ASTN2: variants seen among roughly 807,000 people sequenced by gnomAD.
ASTN2 encodes the protein astrotactin-2.
Under a neutral mutation model 139.8 loss-of-function variants are expected in ASTN2, and 54 were observed. That is an observed-to-expected ratio of 0.39 (90% CI 0.31 to 0.48). ASTN2 has a LOEUF of 0.48. Among genes scored for constraint, ASTN2 ranks in the 20% least tolerant of loss-of-function variants. ASTN2 has a pLI of 0.95. For synonymous variants in ASTN2, 756 were observed against 719.5 expected (o/e 1.05, Z -0.81); for missense variants, 1,565 against 1,725.1 (o/e 0.91, Z 1.64).
intron 1 of ASTN2, among the ~76,000 whole-genome samples, chr9:117,312,818 G>T (rs966009857): frequency 6.6e-6 from 1 of 152,050 alleles, no homozygotes; most frequent in African/African-American, 2.4e-5. Flanking sequence ...GATGTCTAAG[G>T]CTCCATAAGG....
chr9:117,101,541 C>T (rs967756089), intron 4 of ASTN2, among the ~76,000 whole-genome samples: 4 of 152,070 alleles, frequency 2.6e-5, no homozygotes, highest in Non-Finnish European at 4.4e-5. Flanking sequence ...TGAGGTGGAG[C>T]CATTAAGAAG....
chr9:117,305,543 A>G (rs891578133), intron 1 of ASTN2, among the ~76,000 whole-genome samples: 9 of 152,164 alleles, frequency 5.9e-5, no homozygotes, highest in Non-Finnish European at 1.2e-4. Context: ...CCTTCCAGAA[A>G]TCACTTAACT....
Position 117,132,100 on chromosome 9 carries a change from C to T in ASTN2, c.1168+9226G>A, listed in dbSNP as rs539151175. Among the ~76,000 whole-genome samples, 55 of 152,236 alleles carry T rather than the reference C, an allele frequency of 3.6e-4. 1 individual carries two copies. The highest frequency in any genetic ancestry group is 1.3e-3 in the African/African-American group (55 of 41,534). On this transcript the variant is annotated intron_variant, in intron 4 of 22. Transcript: ENST00000313400. ...TGAGTCCCTGTCTCCATCATTTCCA[C>T]ATATACAAGCAGATTGGATCAGACA...
intron 4 of ASTN2, among the ~76,000 whole-genome samples, chr9:117,112,122 C>G (rs1271641656): frequency 8.5e-5 from 13 of 152,058 alleles, no homozygotes; most frequent in African/African-American, 3.1e-4. Context: ...CAATGTAACA[C>G]TGTCAAGATA....
At chr9:117,229,293 G>A (rs756884908) in intron 2 of ASTN2, among the ~76,000 whole-genome samples, 2 of 152,130 alleles carry the variant, frequency 1.3e-5, no homozygotes, top group Non-Finnish European at 2.9e-5. Flanking sequence ...ACCTCGATCT[G>A]TTCCCTGAGA....
intron 1 of ASTN2, among the ~76,000 whole-genome samples, chr9:117,327,083 A>T (rs1331117864): frequency 6.6e-6 from 1 of 152,116 alleles, no homozygotes; most frequent in Non-Finnish European, 1.5e-5. Flanking sequence ...CATGAAGAGC[A>T]TGCAACCTAG....
chr9:117,057,577 T>C (rs983951284), intron 5 of ASTN2, among the ~76,000 whole-genome samples: 2 of 152,194 alleles, frequency 1.3e-5, no homozygotes, highest in Non-Finnish European at 2.9e-5. Context: ...TATGTATATA[T>C]GTGAAGATGT....
intron 2 of ASTN2, among the ~76,000 whole-genome samples, chr9:117,221,572 A>T (rs769653865): frequency 7.9e-5 from 12 of 152,232 alleles, no homozygotes; most frequent in Non-Finnish European, 1.3e-4. Flanking sequence ...TGATAAGAAC[A>T]CAGGCCTTTA....
chr9:116,492,727 C>A (rs2119107041), intron 19 of ASTN2, among the ~76,000 whole-genome samples: 1 of 152,182 alleles, frequency 6.6e-6, no homozygotes, highest in East Asian at 1.9e-4. Context: ...ACGCACCAGA[C>A]ACTGTGCTAG....
At chr9:117,333,693 G>A (rs1192030583) in intron 1 of ASTN2, among the ~76,000 whole-genome samples, 1 of 152,110 alleles carries the variant, frequency 6.6e-6, no homozygotes, top group African/African-American at 2.4e-5. Flanking sequence ...TAGTAGAGAC[G>A]GGGTTTCACC....
At chr9:116,806,669 C>G (rs1831037959) in intron 12 of ASTN2, among the ~76,000 whole-genome samples, 1 of 152,068 alleles carries the variant, frequency 6.6e-6, no homozygotes, top group Non-Finnish European at 1.5e-5. Context: ...TCCTTGTGAC[C>G]TATATGAACA....
intron 11 of ASTN2, among the ~76,000 whole-genome samples, chr9:116,847,498 T>C (rs1832475697): frequency 1.3e-5 from 2 of 152,340 alleles, no homozygotes; most frequent in South Asian, 4.1e-4. Context: ...TCCTGAGGAA[T>C]GTCTATTCAA....
intron 10 of ASTN2, among the ~76,000 whole-genome samples, chr9:116,874,641 A>G (rs1185285706): frequency 1.3e-5 from 2 of 152,244 alleles, no homozygotes; most frequent in African/African-American, 2.4e-5. Flanking sequence ...AAGATCCTCA[A>G]TAAAGAGCTG....
intron 10 of ASTN2, among the ~76,000 whole-genome samples, chr9:116,916,932 T>C (rs1456938302): frequency 6.6e-6 from 1 of 152,124 alleles, no homozygotes; most frequent in East Asian, 1.9e-4. Context: ...CAAGATTCTA[T>C]AAGAGTTTAA....
chr9:116,972,804 G>A (rs192727469), intron 10 of ASTN2, among the ~76,000 whole-genome samples: 2 of 152,238 alleles, frequency 1.3e-5, no homozygotes, highest in African/African-American at 2.4e-5. Flanking sequence ...TGCAGTGCAC[G>A]TTCAAGTTTT....
intron 2 of ASTN2, among the ~76,000 whole-genome samples, chr9:117,275,693 G>A (rs552211109): frequency 1.9e-4 from 28 of 151,008 alleles, no homozygotes; most frequent in African/African-American, 6.1e-4. Context: ...AGCCTCCCAA[G>A]TAGCTGTGAT....
intron 16 of ASTN2, among the ~76,000 whole-genome samples, chr9:116,663,424 TCTTA>T (rs1322647636): frequency 1.3e-5 from 2 of 152,192 alleles, no homozygotes; most frequent in Non-Finnish European, 2.9e-5. Context: ...GAAAACACTC[TCTTA>T]CTGTTTTCCT....
chr9:116,941,427 A>T (rs185641040), intron 10 of ASTN2, among the ~76,000 whole-genome samples: 140 of 152,160 alleles, frequency 9.2e-4, no homozygotes, highest in Admixed American at 1.6e-3. Context: ...AACATGTTAC[A>T]TAACTATCCA....
At chr9:116,506,328 G>A (rs562451996) in intron 19 of ASTN2, among the ~76,000 whole-genome samples, 18 of 152,360 alleles carry the variant, frequency 1.2e-4, no homozygotes, top group Non-Finnish European at 2.4e-4. Context: ...GATAACAGGA[G>A]TGGGACTAGC....
Sources: gnomAD v4.1 joint callset for allele counts (sites outside exome capture counted in the v4.1 genomes callset) on GRCh38, gnomAD v4.1.1 for gene constraint, MANE v1.5 for transcripts, NCBI Gene and HGNC (gene_info 2026-07-23, HGNC 2026-07-21) for gene names.